The following TNKS1BP1 variants were observed in gnomAD, a reference collection of about 807,000 sequenced individuals.
TNKS1BP1 encodes the protein CCR4-NOT transcription complex subunit 12, also known as 182 kDa tankyrase-1-binding protein.
TNKS1BP1 carries 48 observed loss-of-function variants against 141.1 expected under a neutral mutation model. The observed-to-expected ratio is 0.34, with a 90% CI of 0.27 to 0.43. The LOEUF is 0.43. Among genes scored for constraint, TNKS1BP1 ranks in the 20% least tolerant of loss-of-function variants. TNKS1BP1 has a pLI of 1.00. For synonymous variants in TNKS1BP1, 875 were observed against 898.2 expected (o/e 0.97, Z 0.46); for missense variants, 2,149 against 2,226.0 (o/e 0.97, Z 0.70).
Position 57,310,512 on chromosome 11 carries a change from C to G in TNKS1BP1, c.2199G>C (p.Gly733=), listed in dbSNP as rs750329210. 1 of 1,608,390 alleles carries G rather than the reference C, an allele frequency of 6.2e-7. No individual in the cohort carries two copies. The highest frequency in any genetic ancestry group is 2.2e-5 in the East Asian group (1 of 44,880). ...TGCTGGGCTGTGGGTCTCCTGTGAT[C>G]CCAAATTCACTCTGCAGATCTTTCT... ...WSQKDLQSEF[G]ITGDPQPSSF... is the part of the protein sequence containing the mutation. Residue 733 remains glycine (G), a synonymous_variant, in exon 6 of 12, where the codon GGG becomes GGC. Transcript: ENST00000358252.
chr11:57,312,398 C>A, intron 5 of TNKS1BP1, 136 bp downstream of exon 5: 1 of 946,874 alleles, frequency 1.1e-6, no homozygotes, highest in Non-Finnish European at 1.4e-6. Context: ...GAGCTACAAT[C>A]TGCAGGTCCA....
rs142114265 is a variant in TNKS1BP1, at chr11:57,312,357, CCA to C, written c.2154+175_2154+176del. ...CTGGGATAGAGCCTCACACGAAACCCCACACACACACCGTCCTGTGTGGCTCT... is the reference window on the plus strand; with the variant it reads ...CTGGGATAGAGCCTCACACGAAACCCCACACACACCGTCCTGTGTGGCTCT... On this transcript the variant is annotated intron_variant, in intron 5 of 11. Coordinates refer to ENST00000358252, the MANE Select transcript of TNKS1BP1 (RefSeq NM_033396.3). 4.4e-3 allele frequency among the ~76,000 whole-genome samples: 663 copies of C among 152,252 alleles called. 6 individuals are homozygous for C. Among genetic ancestry groups the C allele is most frequent in the African/African-American group, 0.015 (634 of 41,552 alleles).
rs776236854 is a variant in TNKS1BP1 at position 57,309,004 on chromosome 11, T to C, written c.3707A>G (p.Lys1236Arg). Residue 1236 changes from lysine (K) to arginine (R), a missense_variant, in exon 6 of 12, where the codon AAA (lysine) becomes AGA (arginine). Lys to Arg is a conservative substitution (Grantham distance 26). Coordinates refer to ENST00000358252, the MANE Select transcript of TNKS1BP1 (RefSeq NM_033396.3). The surrounding 1 kb of genome is among the most constrained non-coding windows in gnomAD (Gnocchi z 4.3). ...DWTSDVNVKS[K>R]DLAEVGEGGG... is the part of the protein sequence containing the mutation. ...TCCCTCCCCGACCTCAGCCAAATCT[T>C]TGCTCTTCACATTAACATCAGAAGT... 2.5e-6 allele frequency: 4 copies of C among 1,614,132 alleles called. No homozygotes were observed. The highest frequency in any genetic ancestry group is 3.4e-6 in the Non-Finnish European group (4 of 1,180,002).
chr11:57,319,025 G>A (rs1404256879), intron 3 of TNKS1BP1, among the ~76,000 whole-genome samples: 2 of 151,740 alleles, frequency 1.3e-5, no homozygotes, highest in African/African-American at 2.4e-5. Context: ...GGCGCCTGTA[G>A]TCCCAGCTAC....
In TNKS1BP1 at chr11:57,319,938, C is replaced by T. The variant is rs1362873246; in HGVS notation, c.728+141G>A. 4 of 1,017,116 alleles carry T rather than the reference C, an allele frequency of 3.9e-6. No homozygotes were observed. The African/African-American group carries it at 6.4e-5, about 16-fold the overall frequency. 63.0% of individuals were successfully genotyped at this position (1,017,116 alleles called of 1,614,324 possible). On this transcript the variant is annotated intron_variant, in intron 3 of 11. Coordinates refer to ENST00000358252, the MANE Select transcript of TNKS1BP1 (RefSeq NM_033396.3). ...ATTTGTGACCTAGATCGGGATCTGC[C>T]TGTACTCACAGCACACAACCAACCT... is the stretch of plus-strand genomic sequence containing the variant.
In TNKS1BP1 at chr11:57,320,195, C is replaced by A. The variant is rs200073928; in HGVS notation, c.612G>T (p.Thr204=). The A allele has an allele frequency of 5.0e-6, 8 of 1,614,182 alleles. No homozygotes were observed. The African/African-American group carries it at 6.7e-5, about 13-fold the overall frequency. The change falls in exon 3 of 12, where the codon ACG becomes ACT. Residue 204 remains threonine (T), a synonymous_variant. Coordinates refer to ENST00000358252, the MANE Select transcript of TNKS1BP1 (RefSeq NM_033396.3). ...CATCCTCATCCCTGGGAGCAGTGGT[C>A]GTGCCATAGGTCCTGGGGCCATATC... ...SSRYGPRTYG[T]TTAPRDEDGS...
chr11:57,315,640 ATCTTCTCCCG>A (rs1341611584), intron 4 of TNKS1BP1, among the ~76,000 whole-genome samples: 42 of 151,370 alleles, frequency 2.8e-4, no homozygotes, highest in Non-Finnish European at 1.3e-4. Flanking sequence ...ATGTTTTAGC[ATCTTCTCCCG>A]TCAGACCTCC....
At chr11:57,323,603 G>C (rs1855917739) in intron 1 of TNKS1BP1, among the ~76,000 whole-genome samples, 1 of 152,116 alleles carries the variant, frequency 6.6e-6, no homozygotes, top group African/African-American at 2.4e-5. Context: ...GTGTTTCAAA[G>C]ATGGGAGAGG....
intron 6 of TNKS1BP1, among the ~76,000 whole-genome samples, chr11:57,305,530 G>A (rs777548043): frequency 2.6e-5 from 4 of 152,078 alleles, no homozygotes; most frequent in Non-Finnish European, 5.9e-5. Flanking sequence ...ACTACAAAAC[G>A]TGAATATCCC....
Position 57,313,459 on chromosome 11 carries a change from T to C in TNKS1BP1, c.1229A>G (p.Glu410Gly). 1 of 1,596,204 alleles carries C rather than the reference T, an allele frequency of 6.3e-7. No homozygotes were observed. The highest frequency in any genetic ancestry group is 2.2e-5 in the East Asian group (1 of 44,618). ...GAGGTGTGCGTCACCCTTGGCCTCC[T>C]CCTCCCCGCCAGATGGAAACGTCCG... ...LTRTFPSGGE[E>G]EAKGDAHLRP... Residue 410 changes from glutamate (E) to glycine (G), a missense_variant, in exon 5 of 12, where the codon GAG (glutamate) becomes GGG (glycine). Coordinates refer to ENST00000358252, the MANE Select transcript of TNKS1BP1 (RefSeq NM_033396.3).
At chr11:57,318,023 C>T in intron 3 of TNKS1BP1, 136 bp from the exon 4 acceptor site, 1 of 759,426 alleles carries the variant, frequency 1.3e-6, no homozygotes, top group Non-Finnish European at 2.3e-6. Flanking sequence ...ACTCTTGAGC[C>T]CTGCCTGCAA....
chr11:57,313,722 A>G lies in TNKS1BP1; in HGVS notation c.966T>C (p.Thr322=). The change falls in exon 5 of 12, where the codon ACT becomes ACC. Residue 322 remains threonine (T), a synonymous_variant. Coordinates refer to ENST00000358252, the MANE Select transcript of TNKS1BP1 (RefSeq NM_033396.3). ...AGGGAGAAGCCTGGGAAGCTTCAGG[A>G]GTCTGGGCTTCCAGAAGCTGTGAGT... The part of the protein sequence containing the change: ...PCHSQLLEAQ[T]PEASQASPCP... 1.3e-6 allele frequency: 2 copies of G among 1,594,448 alleles called. No individual in the cohort carries two copies. Among genetic ancestry groups the G allele is most frequent in the Non-Finnish European group, 1.7e-6 (2 of 1,170,764 alleles).
chr11:57,311,469 G>A (rs1855710580), intron 5 of TNKS1BP1: 8 of 985,732 alleles, frequency 8.1e-6, no homozygotes, highest in South Asian at 4.7e-5. Context: ...CGGCTCTGGC[G>A]CTGGCTCTCC....
intron 5 of TNKS1BP1, chr11:57,311,327 T>C (rs953845845): frequency 2.0e-6 from 2 of 985,738 alleles, no homozygotes; most frequent in African/African-American, 3.5e-5. Context: ...CGCTCCAGGA[T>C]AGACATGCTG....
chr11:57,315,903 T>A (rs1318733906), intron 4 of TNKS1BP1, among the ~76,000 whole-genome samples: 2 of 152,088 alleles, frequency 1.3e-5, no homozygotes, highest in African/African-American at 4.8e-5. Context: ...CTCTACTGGA[T>A]CATTTCCATC....
chr11:57,313,320 G>A lies in TNKS1BP1; in HGVS notation c.1368C>T (p.Ser456=). ...CAAAGGGACGATCCAGGGCCAACTG[G>A]CTCCCCTGGCCTTGGGGCAGGGCAG... The part of the protein sequence containing the change: ...SLAALPQGQG[S]QLALDRPFGA... The change falls in exon 5 of 12, where the codon AGC becomes AGT. Residue 456 remains serine, a synonymous_variant. Coordinates refer to ENST00000358252, the MANE Select transcript of TNKS1BP1 (RefSeq NM_033396.3). 1.2e-6 allele frequency: 2 copies of A among 1,612,938 alleles called. No homozygotes were observed. The highest frequency in any genetic ancestry group is 1.7e-6 in the Non-Finnish European group (2 of 1,179,938).
In TNKS1BP1 at chr11:57,320,196, G is replaced by C; in HGVS notation, c.611C>G (p.Thr204Arg). 6.2e-7 allele frequency: 1 copy of C among 1,614,184 alleles called. No individual in the cohort carries two copies. Among genetic ancestry groups the C allele is most frequent in the South Asian group, 1.1e-5 (1 of 91,088 alleles). Reference sequence around the variant, plus strand: ...ATCCTCATCCCTGGGAGCAGTGGTCGTGCCATAGGTCCTGGGGCCATATCG... The same window carrying C: ...ATCCTCATCCCTGGGAGCAGTGGTCCTGCCATAGGTCCTGGGGCCATATCG... Reference protein sequence around the residue: ...SSRYGPRTYGTTTAPRDEDGS... With the variant: ...SSRYGPRTYGRTTAPRDEDGS... Residue 204 changes from threonine to arginine, a missense_variant, in exon 3 of 12, where the codon ACG becomes AGG. Coordinates refer to ENST00000358252, the MANE Select transcript of TNKS1BP1 (RefSeq NM_033396.3).
chr11:57,302,618 C>G lies in TNKS1BP1; in HGVS notation c.4524G>C (p.Arg1508Ser). 1 of 1,612,274 alleles carries G rather than the reference C, an allele frequency of 6.2e-7. No individual in the cohort carries two copies. Among genetic ancestry groups the G allele is most frequent in the African/African-American group, 1.3e-5 (1 of 75,034 alleles). The stretch of plus-strand genomic sequence containing the variant: ...GGCTGGCCTCACCATCAGGCTGCGG[C>G]CTCCAGGAGGGTGGAGAGTCCCTGC... ...EPGRDSPPSWRPQPDGEASQT... is the reference protein window; with the variant it reads ...EPGRDSPPSWSPQPDGEASQT... Residue 1508 changes from arginine to serine, a missense_variant, in exon 7 of 12, where the codon AGG becomes AGC. Coordinates refer to ENST00000358252, the MANE Select transcript of TNKS1BP1 (RefSeq NM_033396.3). The surrounding 1 kb of genome is among the most constrained non-coding windows in gnomAD (Gnocchi z 5.5).
chr11:57,302,533 G>A lies in TNKS1BP1; in HGVS notation c.4609C>T (p.Pro1537Ser). 1 of 1,612,864 alleles carries A rather than the reference G, an allele frequency of 6.2e-7. No individual in the cohort carries two copies. Among genetic ancestry groups the A allele is most frequent in the East Asian group, 2.2e-5 (1 of 44,846 alleles). The change falls in exon 7 of 12, where the codon CCA (proline) becomes TCA (serine). Residue 1537 changes from proline (P) to serine (S), a missense_variant. By Grantham distance (74) the Pro-to-Ser change is moderately conservative. Transcript: ENST00000358252. This position sits in a 1 kb window ranked among gnomAD's most constrained non-coding sequence, Gnocchi z 5.5. ...SSAARWSDQG[P>S]AQTSRRPSQG... Reference sequence around the variant, plus strand: ...GAGGGTCGCCGAGAAGTCTGTGCTGGCCCCTGATCGCTCCACCTGGCTGCT... The same window carrying A: ...GAGGGTCGCCGAGAAGTCTGTGCTGACCCCTGATCGCTCCACCTGGCTGCT...
Sources: gnomAD v4.1 joint callset for allele counts (sites outside exome capture counted in the v4.1 genomes callset) on GRCh38, gnomAD v4.1.1 for gene constraint, Gnocchi (gnomAD v3.1) non-coding constraint, MANE v1.5 for transcripts, NCBI Gene and HGNC (gene_info 2026-07-23, HGNC 2026-07-21) for gene names.